The following HOTAIR variants were observed in gnomAD, a reference collection of about 807,000 sequenced individuals.
The protein encoded by HOTAIR is HOX transcript antisense RNA.
intron 1 of HOTAIR, among the ~76,000 whole-genome samples, chr12:53,969,597 T>C (rs1457217733): frequency 6.6e-6 from 1 of 152,150 alleles, no homozygotes; most frequent in Non-Finnish European, 1.5e-5. Flanking sequence ...TCCCAAAGCA[T>C]ACTAAAGGGA....
chr12:53,972,307 A>G (rs1222573458), intron 1 of HOTAIR, among the ~76,000 whole-genome samples: 1 of 152,190 alleles, frequency 6.6e-6, no homozygotes, highest in Non-Finnish European at 1.5e-5. Context: ...CTTTCTTCAC[A>G]TTGATTGACA....
exon 6 of HOTAIR, chr12:53,964,257 G>T (rs1453182417): frequency 7.8e-6 from 1 of 128,268 alleles, no homozygotes; most frequent in Non-Finnish European, 1.7e-5. Flanking sequence ...GGTTTAGGTT[G>T]CAGCACTTCT....
rs1271584837 is a variant in HOTAIR at position 53,973,397 on chromosome 12, C to G, written n.59+1501G>C. ...TCTCCACGGTCTCCTCCTTCCTGCC[C>G]CAGGCCCCCTCTCGTCAGATCTCCT... On this transcript the variant is annotated intron_variant and non_coding_transcript_variant, in intron 1 of 6. Transcript: ENST00000424518. This position sits in a 1 kb window ranked among gnomAD's most constrained non-coding sequence, Gnocchi z 4.3. 3.1e-6 allele frequency: 5 copies of G among 1,614,098 alleles called. No homozygotes were observed. In the African/African-American group the frequency reaches 5.3e-5, roughly 17 times the overall value.
rs141270933 is a variant in HOTAIR, at chr12:53,971,806, G to A, written n.60-3050C>T. Among the ~76,000 whole-genome samples the A allele has an allele frequency of 4.6e-5, 7 of 152,340 alleles. No individual in the cohort carries two copies. In the East Asian group the frequency reaches 1.3e-3, roughly 29 times the overall value. ...TTTCAGATGCCCACATGTGTCCTGT[G>A]GTGCTCAGAGGGATGGAAGGCAAGG... On this transcript the variant is annotated intron_variant and non_coding_transcript_variant, in intron 1 of 6. Coordinates refer to ENST00000424518, the Ensembl canonical transcript of HOTAIR.
chr12:53,973,452 C>T lies in HOTAIR; in HGVS notation n.59+1446G>A. 6.8e-6 allele frequency: 11 copies of T among 1,614,162 alleles called. No homozygotes were observed. The highest frequency in any genetic ancestry group is 1.3e-5 in the African/African-American group (1 of 75,030). On this transcript the variant is annotated intron_variant and non_coding_transcript_variant, in intron 1 of 6. Transcript: ENST00000424518. This position sits in a 1 kb window ranked among gnomAD's most constrained non-coding sequence, Gnocchi z 4.3. ...CTACTCGGCCCAAGTGCCCCCGGTC[C>T]GGGAGGTCTCCTACGGCCTGGAGCC...
intron 1 of HOTAIR, chr12:53,968,948 A>T (rs567194946): frequency 1.3e-5 from 2 of 152,294 alleles, no homozygotes; most frequent in South Asian, 4.1e-4. Flanking sequence ...CGACCCAGGC[A>T]TCTGATCGCT....
chr12:53,967,293 G>C (rs1939072349), exon 3 of HOTAIR: 1 of 152,184 alleles, frequency 6.6e-6, no homozygotes. Context: ...GCACCTCCGG[G>C]ATATTAGGGA....
chr12:53,972,027 C>T (rs1250999279), intron 1 of HOTAIR, among the ~76,000 whole-genome samples: 1 of 152,172 alleles, frequency 6.6e-6, no homozygotes, highest in Admixed American at 6.5e-5. Flanking sequence ...CAGCATCCAC[C>T]GCTCCTTTCC....
chr12:53,969,821 A>G lies in HOTAIR; in HGVS notation n.60-1065T>C, dbSNP rs141956273. Among the ~76,000 whole-genome samples the G allele has an allele frequency of 4.3e-3, 649 of 152,064 alleles. 7 individuals carry two copies. The highest frequency in any genetic ancestry group is 0.015 in the African/African-American group (610 of 41,456). ...ATATGTGGGCCCCATTTCTTCTTTC[A>G]GCATTTTCCTCCCCAGTTCATGGTC... On this transcript the variant is annotated intron_variant and non_coding_transcript_variant, in intron 1 of 6. Transcript: ENST00000424518.
chr12:53,967,592 C>T (rs1295669997), intron 2 of HOTAIR, among the ~76,000 whole-genome samples: 1 of 152,190 alleles, frequency 6.6e-6, no homozygotes, highest in Admixed American at 6.5e-5. Flanking sequence ...AGCCGGGAAG[C>T]CCCAGGGAGG....
intron 1 of HOTAIR, among the ~76,000 whole-genome samples, chr12:53,970,219 T>C (rs1939125787): frequency 6.6e-6 from 1 of 151,814 alleles, no homozygotes; most frequent in Admixed American, 6.6e-5. Flanking sequence ...GATGGAGGGG[T>C]CACAGGCACC....
At chr12:53,964,998 T>A (rs1939025045) in intron 5 of HOTAIR, among the ~76,000 whole-genome samples, 1 of 152,228 alleles carries the variant, frequency 6.6e-6, no homozygotes, top group African/African-American at 2.4e-5. Context: ...ATCAATAATA[T>A]TATTTTATAG....
intron 1 of HOTAIR, chr12:53,969,027 C>T (rs555997629): frequency 1.1e-4 from 16 of 152,332 alleles, no homozygotes; most frequent in Admixed American, 8.5e-4. Context: ...GGACTAGGTC[C>T]GAGCCTTAAT....
chr12:53,964,269 T>C (rs1488293817), exon 6 of HOTAIR: 1 of 152,148 alleles, frequency 6.6e-6, no homozygotes, highest in Admixed American at 6.5e-5. Flanking sequence ...AGCACTTCTC[T>C]CGCCAATGTG....
In HOTAIR at chr12:53,973,657, C is replaced by A. The variant is rs1353271081; in HGVS notation, n.59+1241G>T. The A allele has an allele frequency of 6.2e-7, 1 of 1,613,776 alleles. No homozygotes were observed. Among genetic ancestry groups the A allele is most frequent in the South Asian group, 1.1e-5 (1 of 91,078 alleles). On this transcript the variant is annotated intron_variant and non_coding_transcript_variant, in intron 1 of 6. Transcript: ENST00000424518. This position sits in a 1 kb window ranked among gnomAD's most constrained non-coding sequence, Gnocchi z 4.3. ...CACGCAACCCCCGCCGGCTTCTACT[C>A]CTCAGTCAACAAGAACAGCGTCCTG...
intron 1 of HOTAIR, among the ~76,000 whole-genome samples, chr12:53,971,210 C>T (rs1939142733): frequency 6.6e-6 from 1 of 152,228 alleles, no homozygotes; most frequent in South Asian, 2.1e-4. Flanking sequence ...ACAGAAGTCT[C>T]ACACTTCAGC....
intron 5 of HOTAIR, among the ~76,000 whole-genome samples, chr12:53,965,479 C>T (rs1350360853): frequency 1.3e-5 from 2 of 152,250 alleles, no homozygotes; most frequent in African/African-American, 4.8e-5. Context: ...CCCCCAGGAA[C>T]ACCTGGGTGG....
At chr12:53,974,052 G>C in intron 1 of HOTAIR, 1 of 537,134 alleles carries the variant, frequency 1.9e-6, no homozygotes, top group South Asian at 2.5e-5. Flanking sequence ...TTTATGTGGA[G>C]TTTTATAAGC....
At chr12:53,972,670 A>G (rs1449238500) in intron 1 of HOTAIR, among the ~76,000 whole-genome samples, 1 of 152,208 alleles carries the variant, frequency 6.6e-6, no homozygotes, top group Admixed American at 6.5e-5. Flanking sequence ...GCGGGTTGGA[A>G]GGGTAAGAGT....
Sources: allele counts gnomAD v4.1 joint callset (sites outside exome capture counted in the v4.1 genomes callset), GRCh38; gene constraint gnomAD v4.1.1; non-coding constraint Gnocchi (gnomAD v3.1); transcripts MANE v1.5; gene names NCBI Gene and HGNC (gene_info 2026-07-23, HGNC 2026-07-21).